The following PRKG1 variants were observed in gnomAD, a reference collection of about 807,000 sequenced individuals.
The protein encoded by PRKG1 is protein kinase cGMP-dependent 1.
A neutral mutation model predicts 88.1 loss-of-function variants in PRKG1; 35 were observed. The ratio of observed to expected loss-of-function variants is 0.40; its 90% CI spans 0.30 to 0.53. The LOEUF (loss-of-function observed/expected upper bound fraction) is 0.53, where lower values mean the gene tolerates loss of function less well. PRKG1 is among the 20% of genes least tolerant of loss of function. The pLI, the probability that PRKG1 is intolerant of heterozygous loss-of-function variation, is 0.59. For missense variants in PRKG1, 540 were observed against 839.8 expected (o/e 0.64, Z 4.41); for synonymous variants, 303 against 292.5 (o/e 1.04, Z -0.37).
rs61406236 is a variant in PRKG1 at position 51,858,312 on chromosome 10, G to A, written c.699-49195G>A. 2.4e-3 allele frequency among the ~76,000 whole-genome samples: 21 copies of A among 8,742 alleles called. 2 individuals carry two copies. Among genetic ancestry groups the A allele is most frequent in the Non-Finnish European group, 4.3e-3 (18 of 4,138 alleles). The allele number at this position is 8,742 out of a possible 152,430, so 5.7% of individuals were successfully genotyped here. The stretch of plus-strand genomic sequence containing the variant: ...TTATACATATGTATAATATATATAT[G>A]TATAATATGTATTATATATAATATA... On this transcript the variant is annotated intron_variant, in intron 4 of 17. Transcript: ENST00000373980.
Position 52,102,767 on chromosome 10 carries a change from C to A in PRKG1, c.936-31073C>A, listed in dbSNP as rs182562094. Among the ~76,000 whole-genome samples, 11 of 151,840 alleles carry A rather than the reference C, an allele frequency of 7.2e-5. No homozygotes were observed. In the East Asian group the frequency reaches 2.1e-3, roughly 29 times the overall value. On this transcript the variant is annotated intron_variant, in intron 7 of 17. Transcript: ENST00000373980. ...AAGACATAGACGCAGTGCCAGAAAACAAATTGACATTAGACAATCTGGCAG... is the reference window on the plus strand; with the variant it reads ...AAGACATAGACGCAGTGCCAGAAAAAAAATTGACATTAGACAATCTGGCAG...
At chr10:51,881,093 G>A (rs1182559415) in intron 4 of PRKG1, among the ~76,000 whole-genome samples, 2 of 152,092 alleles carry the variant, frequency 1.3e-5, no homozygotes, top group Admixed American at 6.6e-5. Flanking sequence ...GGTAAAGAGG[G>A]CAGCATATGT....
Position 51,784,689 on chromosome 10 carries a change from C to T in PRKG1, c.593-19896C>T, listed in dbSNP as rs534496565. On this transcript the variant is annotated intron_variant, in intron 3 of 17. Coordinates refer to ENST00000373980, the MANE Select transcript of PRKG1 (RefSeq NM_006258.4). Reference sequence around the variant, plus strand: ...CTACCCTTAGTCTACATGCTTTATTCAGGCATTCACCTACAATATGATTAC... The same window carrying T: ...CTACCCTTAGTCTACATGCTTTATTTAGGCATTCACCTACAATATGATTAC... Among the ~76,000 whole-genome samples the T allele has an allele frequency of 1.4e-4, 21 of 152,192 alleles. No individual in the cohort carries two copies. In the South Asian group the frequency reaches 4.2e-3, roughly 30 times the overall value.
At chr10:51,830,006 C>A (rs1336949430) in intron 4 of PRKG1, among the ~76,000 whole-genome samples, 2 of 152,098 alleles carry the variant, frequency 1.3e-5, no homozygotes, top group Non-Finnish European at 2.9e-5. Context: ...AGGTCTATTT[C>A]TATAGTTATG....
chr10:51,022,246 A>G (rs577662522), intron 1 of PRKG1, among the ~76,000 whole-genome samples: 13 of 152,232 alleles, frequency 8.5e-5, no homozygotes, highest in African/African-American at 3.1e-4. Context: ...CATAGCCTCA[A>G]TTGCATGGGG....
At chr10:52,141,146 T>A (rs2132649843) in intron 8 of PRKG1, among the ~76,000 whole-genome samples, 1 of 152,268 alleles carries the variant, frequency 6.6e-6, no homozygotes, top group South Asian at 2.1e-4. Flanking sequence ...TTGACTGGTG[T>A]GCTTCTCAAA....
intron 3 of PRKG1, among the ~76,000 whole-genome samples, chr10:51,642,832 C>T (rs550642550): frequency 6.6e-6 from 1 of 152,138 alleles, no homozygotes; most frequent in African/African-American, 2.4e-5. Flanking sequence ...ACAAACTGAA[C>T]GCTGTCTGGA....
intron 2 of PRKG1, among the ~76,000 whole-genome samples, chr10:51,361,317 G>C (rs1423220518): frequency 6.6e-6 from 1 of 151,838 alleles, no homozygotes; most frequent in Non-Finnish European, 1.5e-5. Context: ...TTGTTTAACA[G>C]TATAGGTACC....
At chr10:52,122,993 C>A (rs1355276124) in intron 7 of PRKG1, among the ~76,000 whole-genome samples, 6 of 152,190 alleles carry the variant, frequency 3.9e-5, no homozygotes, top group Admixed American at 3.9e-4. Flanking sequence ...TCCCCTTTCT[C>A]TTTCATTAAT....
rs183636740 is a variant in PRKG1 at position 51,487,468 on chromosome 10, C to G, written c.592+19632C>G. Among the ~76,000 whole-genome samples the G allele has an allele frequency of 1.9e-3, 289 of 152,122 alleles. 2 individuals are homozygous for G. Among genetic ancestry groups the G allele is most frequent in the African/African-American group, 6.8e-3 (284 of 41,488 alleles). On this transcript the variant is annotated intron_variant, in intron 3 of 17. Transcript: ENST00000373980. ...GTTAGCAATTAGTAAGGGTTAGAGA[C>G]AAGATTAAAAAACTCAGTAGGGAGT...
intron 3 of PRKG1, among the ~76,000 whole-genome samples, chr10:51,712,775 G>A (rs909475917): frequency 1.3e-5 from 2 of 151,712 alleles, no homozygotes; most frequent in African/African-American, 4.8e-5. Flanking sequence ...ATTTTTAGTA[G>A]AGACGGGGTT....
chr10:51,026,375 A>G (rs1214356584), intron 1 of PRKG1, among the ~76,000 whole-genome samples: 2 of 152,146 alleles, frequency 1.3e-5, no homozygotes, highest in Admixed American at 1.3e-4. Flanking sequence ...ATTCTTTTTC[A>G]GTCTCTCCAA....
At chr10:51,654,431 C>T (rs1296478974) in intron 3 of PRKG1, among the ~76,000 whole-genome samples, 6 of 152,132 alleles carry the variant, frequency 3.9e-5, no homozygotes, top group African/African-American at 7.2e-5. Context: ...ACTGTAGCTT[C>T]GTCATGTATC....
chr10:51,040,872 T>G (rs1020949513), intron 1 of PRKG1, among the ~76,000 whole-genome samples: 1 of 152,154 alleles, frequency 6.6e-6, no homozygotes, highest in Non-Finnish European at 1.5e-5. Flanking sequence ...TTGTATAGAA[T>G]CCACCTTTTT....
chr10:51,054,649 G>C (rs762209860), intron 1 of PRKG1, among the ~76,000 whole-genome samples: 30 of 152,120 alleles, frequency 2.0e-4, no homozygotes, highest in Non-Finnish European at 2.9e-4. Flanking sequence ...GGCATATCTA[G>C]GTGTGCATAG....
rs140253645 is a variant in PRKG1, at chr10:51,252,795, T to C, written c.478+99465T>C. On this transcript the variant is annotated intron_variant, in intron 2 of 17. Coordinates refer to ENST00000373980, the MANE Select transcript of PRKG1 (RefSeq NM_006258.4). ...TGGAAATAGAAATGTACTGTAATGT[T>C]GTCTTCAAGGTTAAAAAGAAAACAT... Among the ~76,000 whole-genome samples the C allele has an allele frequency of 2.5e-3, 384 of 151,986 alleles. 2 individuals carry two copies. The highest frequency in any genetic ancestry group is 8.8e-3 in the African/African-American group (365 of 41,532).
intron 1 of PRKG1, among the ~76,000 whole-genome samples, chr10:51,084,507 T>C (rs1278463798): frequency 2.6e-5 from 4 of 152,216 alleles, no homozygotes; most frequent in Non-Finnish European, 5.9e-5. Flanking sequence ...CTAAAGATCA[T>C]AAATGTAAAT....
intron 5 of PRKG1, among the ~76,000 whole-genome samples, chr10:51,925,391 C>A (rs1048483862): frequency 6.6e-6 from 1 of 151,996 alleles, no homozygotes; most frequent in Non-Finnish European, 1.5e-5. Flanking sequence ...TATACAGGAG[C>A]ACTACTGATG....
chr10:52,155,385 G>A (rs1431457350), intron 8 of PRKG1, among the ~76,000 whole-genome samples: 6 of 151,852 alleles, frequency 4.0e-5, no homozygotes, highest in African/African-American at 1.5e-4. Flanking sequence ...GCTAATGTTT[G>A]TCACCAATAT....
Sources: allele counts gnomAD v4.1 joint callset (sites outside exome capture counted in the v4.1 genomes callset), GRCh38; gene constraint gnomAD v4.1.1; transcripts MANE v1.5; gene names NCBI Gene and HGNC (gene_info 2026-07-23, HGNC 2026-07-21).